The following CELF2 variants were observed in gnomAD, a reference collection of about 807,000 sequenced individuals.
CELF2 encodes the protein CUG triplet repeat RNA-binding protein 2.
CELF2 carries 8 observed loss-of-function variants against 62.6 expected under a neutral mutation model. The observed-to-expected ratio is 0.13, with a 90% CI of 0.07 to 0.23. The LOEUF (loss-of-function observed/expected upper bound fraction) is 0.23, where lower values mean the gene tolerates loss of function less well. Among genes scored for constraint, CELF2 ranks in the 10% least tolerant of loss-of-function variants. CELF2 has a pLI of 1.00. For synonymous variants in CELF2, 258 were observed against 250.0 expected (o/e 1.03, Z -0.30); for missense variants, 333 against 671.0 (o/e 0.50, Z 5.56).
intron 2 of CELF2, among the ~76,000 whole-genome samples, chr10:10,994,472 C>G: frequency 6.6e-6 from 1 of 152,316 alleles, no homozygotes; most frequent in East Asian, 1.9e-4. Context: ...GTTAGGAACA[C>G]AGCCACACAG....
the CELF2 span, among the ~76,000 whole-genome samples, chr10:10,541,193 A>T: frequency 1.4e-5 from 2 of 148,112 alleles, no homozygotes; most frequent in African/African-American, 5.0e-5. Context: ...CAGTGAGCTG[A>T]GATCATGCCA....
At chr10:10,607,950 A>G in the CELF2 span, among the ~76,000 whole-genome samples, 1 of 151,852 alleles carries the variant, frequency 6.6e-6, no homozygotes, top group Non-Finnish European at 1.5e-5. Context: ...AACATGGTAA[A>G]ACTCTGTCTC....
intron 1 of CELF2, among the ~76,000 whole-genome samples, chr10:11,149,768 A>C (rs2062975336): frequency 6.6e-6 from 1 of 152,186 alleles, no homozygotes. Flanking sequence ...AGCCTCAAAA[A>C]CAAGCTGATC....
At chr10:11,033,100 T>TA (rs767196291) in intron 1 of CELF2, among the ~76,000 whole-genome samples, 46 of 152,308 alleles carry the variant, frequency 3.0e-4, no homozygotes, top group Middle Eastern at 3.4e-3. Context: ...AAATGATTGT[T>TA]ACAGCTTTTG....
chr10:10,968,318 C>G (rs572708343), intron 2 of CELF2, among the ~76,000 whole-genome samples: 37 of 152,126 alleles, frequency 2.4e-4, no homozygotes, highest in Admixed American at 5.9e-4. Context: ...TTTCTATAAA[C>G]AATCTGTGTT....
intron 1 of CELF2, among the ~76,000 whole-genome samples, chr10:10,822,307 T>C (rs2057034061): frequency 1.3e-5 from 2 of 152,216 alleles, no homozygotes; most frequent in Admixed American, 6.5e-5. Context: ...TGTACAAATG[T>C]ATTAATAGAC....
intron 1 of CELF2, among the ~76,000 whole-genome samples, chr10:11,025,125 T>C (rs2058931867): frequency 6.6e-6 from 1 of 152,270 alleles, no homozygotes; most frequent in Non-Finnish European, 1.5e-5. Flanking sequence ...AGTTGGTCTT[T>C]TAGGCTAAAA....
chr10:10,704,466 C>G, the CELF2 span, among the ~76,000 whole-genome samples: 18 of 152,152 alleles, frequency 1.2e-4, no homozygotes, highest in African/African-American at 4.3e-4. Flanking sequence ...AAATGATTTT[C>G]ATTATTGTAG....
Position 11,290,371 on chromosome 10 carries a change from G to A in CELF2, c.976+1819G>A, listed in dbSNP as rs2092323143. On this transcript the variant is annotated intron_variant, in intron 9 of 12. Coordinates refer to ENST00000633077, the MANE Select transcript of CELF2 (RefSeq NM_001326342.2). This position sits in a 1 kb window ranked among gnomAD's most constrained non-coding sequence, Gnocchi z 4.3. ...GTTGAGGCAGAGGACAGAGCCAGTGGGTGGGGGAGAGCGGAGTGGGGGCTC... is the reference window on the plus strand; with the variant it reads ...GTTGAGGCAGAGGACAGAGCCAGTGAGTGGGGGAGAGCGGAGTGGGGGCTC... 6.6e-6 allele frequency among the ~76,000 whole-genome samples: 1 copy of A among 152,148 alleles called. No individual in the cohort carries two copies. Among genetic ancestry groups the A allele is most frequent in the Admixed American group, 6.5e-5 (1 of 15,280 alleles).
chr10:10,988,782 T>C (rs2053111527), intron 2 of CELF2, among the ~76,000 whole-genome samples: 1 of 152,020 alleles, frequency 6.6e-6, no homozygotes, highest in Admixed American at 6.6e-5. Context: ...AAACCGATAG[T>C]TGGGTAAGAG....
the CELF2 span, among the ~76,000 whole-genome samples, chr10:10,758,527 C>A: frequency 6.6e-6 from 1 of 152,136 alleles, no homozygotes; most frequent in African/African-American, 2.4e-5. Flanking sequence ...AAACGCCAGC[C>A]ATGGATCACA....
At chr10:10,973,857 C>T (rs960116605) in intron 2 of CELF2, among the ~76,000 whole-genome samples, 4 of 152,222 alleles carry the variant, frequency 2.6e-5, no homozygotes, top group African/African-American at 9.6e-5. Context: ...CATTAGCCAC[C>T]CTGCCTTGCC....
In CELF2 at chr10:11,314,104, C is replaced by T. The variant is rs41291251; in HGVS notation, c.977-35C>T. The T allele has an allele frequency of 3.2e-3, 5,005 of 1,571,938 alleles. 11 individuals are homozygous for T. The highest frequency in any genetic ancestry group is 4.0e-3 in the Non-Finnish European group (4,651 of 1,158,780). On this transcript the variant is annotated intron_variant, in intron 9 of 12. Coordinates refer to ENST00000633077, the MANE Select transcript of CELF2 (RefSeq NM_001326342.2). The surrounding 1 kb of genome is among the most constrained non-coding windows in gnomAD (Gnocchi z 5.3). ...GTCTCGGCTCTCACTCACCTCGTGT[C>T]TTCTCTCCCCTTGTCTCTGTTTTCC...
chr10:11,172,549 A>G (rs1207768507), intron 2 of CELF2, among the ~76,000 whole-genome samples: 2 of 152,234 alleles, frequency 1.3e-5, no homozygotes, highest in African/African-American at 4.8e-5. Flanking sequence ...TAAATGCCCC[A>G]TACTCTGGTG....
chr10:10,469,465 G>C, the CELF2 span, among the ~76,000 whole-genome samples: 1 of 151,896 alleles, frequency 6.6e-6, no homozygotes, highest in Non-Finnish European at 1.5e-5. Context: ...CATAAAGGAG[G>C]TGAAGTCCCC....
the CELF2 span, among the ~76,000 whole-genome samples, chr10:10,781,614 C>T: frequency 1.3e-5 from 2 of 152,170 alleles, no homozygotes; most frequent in East Asian, 3.9e-4. Flanking sequence ...CAGTTACCTC[C>T]CACTAGGCCC....
intron 2 of CELF2, among the ~76,000 whole-genome samples, chr10:11,208,152 T>C (rs531850906): frequency 1.3e-5 from 2 of 152,254 alleles, no homozygotes; most frequent in Admixed American, 6.5e-5. Flanking sequence ...CCTGCTAACC[T>C]GTAGACTGGT....
intron 3 of CELF2, among the ~76,000 whole-genome samples, chr10:11,238,034 G>A (rs935658669): frequency 6.6e-6 from 1 of 152,134 alleles, no homozygotes; most frequent in Non-Finnish European, 1.5e-5. Context: ...TGTGTATTTT[G>A]CATTGCTCAG....
chr10:11,192,373 CAGGA>C (rs2076470868), intron 2 of CELF2, among the ~76,000 whole-genome samples: 1 of 152,228 alleles, frequency 6.6e-6, no homozygotes, highest in African/African-American at 2.4e-5. Flanking sequence ...TTTTGACTCC[CAGGA>C]AGCTGTTTTT....
Sources: gnomAD v4.1 joint callset for allele counts (sites outside exome capture counted in the v4.1 genomes callset) on GRCh38, gnomAD v4.1.1 for gene constraint, Gnocchi (gnomAD v3.1) non-coding constraint, MANE v1.5 for transcripts, NCBI Gene and HGNC (gene_info 2026-07-23, HGNC 2026-07-21) for gene names.